Variants in MEIS2 observed in about 807,000 individuals in gnomAD.
The protein encoded by MEIS2 is Meis homeobox 2.
MEIS2 carries 9 observed loss-of-function variants against 58.6 expected under a neutral mutation model. That is an observed-to-expected ratio of 0.15 (90% CI 0.09 to 0.27). MEIS2 has a LOEUF of 0.27. Among genes scored for constraint, MEIS2 ranks in the 10% least tolerant of loss-of-function variants. MEIS2 has a pLI of 1.00. For missense variants in MEIS2, 427 were observed against 635.0 expected (o/e 0.67, Z 3.52); for synonymous variants, 221 against 228.4 (o/e 0.97, Z 0.29).
intron 9 of MEIS2, among the ~76,000 whole-genome samples, chr15:36,927,869 A>C (rs1404728957): frequency 6.6e-6 from 1 of 152,210 alleles, no homozygotes; most frequent in Non-Finnish European, 1.5e-5. Context: ...CCTCAATGGT[A>C]CACATTATAA....
chr15:36,931,256 A>G (rs555571802), intron 9 of MEIS2, among the ~76,000 whole-genome samples: 1 of 152,244 alleles, frequency 6.6e-6, no homozygotes, highest in Non-Finnish European at 1.5e-5. Context: ...GGGGAAGACA[A>G]ACAAACAGTT....
chr15:36,909,680 G>C (rs2056909806), intron 9 of MEIS2, among the ~76,000 whole-genome samples: 2 of 152,176 alleles, frequency 1.3e-5, no homozygotes. Context: ...GAGAGGCCAG[G>C]TAAATCGTGG....
chr15:37,053,136 A>G (rs1430299362), intron 7 of MEIS2, among the ~76,000 whole-genome samples: 2 of 152,234 alleles, frequency 1.3e-5, no homozygotes, highest in African/African-American at 2.4e-5. Flanking sequence ...GTTTATTCAT[A>G]TACCTGTGGT....
intron 7 of MEIS2, among the ~76,000 whole-genome samples, chr15:37,061,474 T>C (rs1340331543): frequency 1.3e-5 from 2 of 152,190 alleles, no homozygotes; most frequent in Non-Finnish European, 2.9e-5. Flanking sequence ...CTTTAACATA[T>C]AGGTCTTTAG....
rs1356958946 is a variant in MEIS2 at position 36,890,787 on chromosome 15, C to T, written c.*1386G>A. 6.6e-6 allele frequency: 1 copy of T among 152,108 alleles called. No homozygotes were observed. The highest frequency in any genetic ancestry group is 1.5e-5 in the Non-Finnish European group (1 of 68,016). 9.4% of individuals were successfully genotyped at this position (152,108 alleles called of 1,614,324 possible). ...ATCTAAAAAGGAGGTTGAGCATGTT[C>T]AAGGGGATCTTTCAACCTGGCTCAT... On this transcript the variant is annotated 3_prime_UTR_variant, in exon 12 of 12. Transcript: ENST00000561208.
intron 9 of MEIS2, among the ~76,000 whole-genome samples, chr15:36,934,350 C>A (rs2058086991): frequency 6.6e-6 from 1 of 151,624 alleles, no homozygotes. Context: ...CTTTAACATT[C>A]AAAGGAGGGA....
intron 7 of MEIS2, among the ~76,000 whole-genome samples, chr15:37,065,877 C>A (rs549352739): frequency 1.3e-5 from 2 of 152,208 alleles, no homozygotes; most frequent in South Asian, 4.2e-4. Flanking sequence ...TCTTATTATT[C>A]CCAAAGTCAG....
chr15:36,982,740 T>C (rs1245996674), intron 8 of MEIS2, among the ~76,000 whole-genome samples: 2 of 152,176 alleles, frequency 1.3e-5, no homozygotes, highest in Non-Finnish European at 2.9e-5. Flanking sequence ...CTATTTTCCA[T>C]AATGGCTATA....
Position 36,950,201 on chromosome 15 carries a change from A to G in MEIS2, c.977+123T>C, listed in dbSNP as rs1447474688. On this transcript the variant is annotated intron_variant, in intron 9 of 11. Coordinates refer to ENST00000561208, the MANE Select transcript of MEIS2 (RefSeq NM_170675.5). ...TCACCCCTTTCACACCTCGAGGTAG[A>G]AACACAGAAGTTATCCTCCTCGATT... 4 of 844,636 alleles carry G rather than the reference A, an allele frequency of 4.7e-6. No homozygotes were observed. In the African/African-American group the frequency reaches 7.0e-5, roughly 15 times the overall value. The allele number at this position is 844,636 out of a possible 1,614,324, so 52.3% of individuals were successfully genotyped here.
At chr15:36,985,488 T>C (rs1156897643) in intron 8 of MEIS2, among the ~76,000 whole-genome samples, 3 of 152,196 alleles carry the variant, frequency 2.0e-5, no homozygotes, top group African/African-American at 7.2e-5. Flanking sequence ...ATTCTGATGA[T>C]CTTTTCTGGA....
chr15:36,934,159 T>C (rs1017449582), intron 9 of MEIS2, among the ~76,000 whole-genome samples: 4 of 152,200 alleles, frequency 2.6e-5, no homozygotes, highest in African/African-American at 9.6e-5. Context: ...TGTTTAAAAT[T>C]TTTCTGCATG....
chr15:37,098,310 G>C lies in MEIS2; in HGVS notation c.13-111C>G. On this transcript the variant is annotated intron_variant, in intron 1 of 11. Transcript: ENST00000561208. ...AGAGGGCGAACAGAAAAGAGAGGAA[G>C]GGATAAAGATGAGAGAGAGGGAGGG... is the stretch of plus-strand genomic sequence containing the variant. 3 of 1,334,438 alleles carry C rather than the reference G, an allele frequency of 2.2e-6. No homozygotes were observed. In the South Asian group the frequency reaches 5.0e-5, roughly 22 times the overall value. The allele number at this position is 1,334,438 out of a possible 1,614,324, so 82.7% of individuals were successfully genotyped here. A position where few individuals can be genotyped will look rare whatever the true frequency, so the allele number is the denominator to read the frequency against.
chr15:36,914,551 T>G (rs539342340), intron 9 of MEIS2, among the ~76,000 whole-genome samples: 61 of 152,264 alleles, frequency 4.0e-4, no homozygotes, highest in Non-Finnish European at 6.6e-4. Flanking sequence ...TAAAAACTGA[T>G]GTGAAGGTTA....
intron 9 of MEIS2, among the ~76,000 whole-genome samples, chr15:36,912,917 G>A (rs770008625): frequency 4.0e-5 from 6 of 151,790 alleles, no homozygotes; most frequent in South Asian, 2.1e-4. Context: ...TGTTGTACCC[G>A]TCCCTCAGGC....
chr15:36,891,854 C>T lies in MEIS2; in HGVS notation c.*319G>A. 1 of 354,604 alleles carries T rather than the reference C, an allele frequency of 2.8e-6. No homozygotes were observed. Among genetic ancestry groups the T allele is most frequent in the Non-Finnish European group, 5.1e-6 (1 of 196,326 alleles). The allele number at this position is 354,604 out of a possible 1,614,324, so 22.0% of individuals were successfully genotyped here. On this transcript the variant is annotated 3_prime_UTR_variant, in exon 12 of 12. Transcript: ENST00000561208. ...ATATATTTTTTTTTCTCTTCTAAAA[C>T]TATTTGAGGCAACATAACGGCGTGA...
chr15:36,968,842 C>A (rs955380308), intron 8 of MEIS2, among the ~76,000 whole-genome samples: 3 of 151,856 alleles, frequency 2.0e-5, no homozygotes, highest in African/African-American at 7.3e-5. Context: ...ATAAAATGAA[C>A]CATATTTCAC....
rs901165715 is a variant in MEIS2 at position 37,100,256 on chromosome 15, T to G, written c.-790A>C. ...TATTTTGTCTCTCCCTCTCTCTCTT[T>G]CTCGCTCGCTCGCTCGCTCTCACTC... On this transcript the variant is annotated 5_prime_UTR_variant, in exon 1 of 12. Coordinates refer to ENST00000561208, the MANE Select transcript of MEIS2 (RefSeq NM_170675.5). 1.3e-5 allele frequency: 2 copies of G among 152,400 alleles called. No individual in the cohort carries two copies. Among genetic ancestry groups the G allele is most frequent in the Non-Finnish European group, 2.9e-5 (2 of 68,040 alleles). The allele number at this position is 152,400 out of a possible 1,614,324, so 9.4% of individuals were successfully genotyped here.
intron 8 of MEIS2, among the ~76,000 whole-genome samples, chr15:36,971,536 T>TAAAAA (rs1567126001): frequency 0.016 from 1,061 of 65,340 alleles, 185 homozygotes; most frequent in South Asian, 0.044. Flanking sequence ...CCTTGTTACA[T>TAAAAA]TAAAAAAAAA....
chr15:37,098,230 C>G, intron 1 of MEIS2, 31 bp from the exon 2 acceptor site: 4 of 1,511,836 alleles, frequency 2.6e-6, no homozygotes, highest in South Asian at 1.3e-5. Context: ...GGAGGGGGCG[C>G]AGGAGGTGAG....
Sources: gnomAD v4.1 joint callset for allele counts (sites outside exome capture counted in the v4.1 genomes callset) on GRCh38, gnomAD v4.1.1 for gene constraint, MANE v1.5 for transcripts, NCBI Gene and HGNC (gene_info 2026-07-23, HGNC 2026-07-21) for gene names.